Variants in IL16 observed in about 807,000 individuals in gnomAD.
IL16 encodes the protein interleukin 16, also known as pro-interleukin-16.
A neutral mutation model predicts 110.1 loss-of-function variants in IL16; 67 were observed. The ratio of observed to expected loss-of-function variants is 0.61; its 90% confidence interval spans 0.50 to 0.75. The LOEUF is 0.75. Ranked by LOEUF, IL16 falls within the 30% of genes least tolerant of loss-of-function variation. The pLI, the probability that IL16 is intolerant of heterozygous loss-of-function variation, is 0.00. For synonymous variants in IL16, 689 were observed against 662.9 expected (o/e 1.04, Z -0.61); for missense variants, 1,545 against 1,655.0 (o/e 0.93, Z 1.15).
chr15:81,303,612 T>C lies in IL16; in HGVS notation c.3382T>C (p.Leu1128=). ...KEEGAGLGFS[L]AGGADLENKV... ...GGAAGGTGCTGGTCTTGGGTTCAGC[T>C]TGGCAGGAGGAGCAGATCTAGAAAA... is the stretch of plus-strand genomic sequence containing the variant. Residue 1128 remains leucine (L), a synonymous_variant, in exon 16 of 19, where the codon TTG becomes CTG. Coordinates refer to ENST00000683961, the MANE Select transcript of IL16 (RefSeq NM_172217.5). The surrounding 1 kb of genome is among the most constrained non-coding windows in gnomAD (Gnocchi z 4.1). 6.2e-7 allele frequency: 1 copy of C among 1,614,066 alleles called. No homozygotes were observed. Among genetic ancestry groups the C allele is most frequent in the Non-Finnish European group, 8.5e-7 (1 of 1,179,884 alleles).
chr15:81,280,654 C>T (rs1461004968), intron 8 of IL16, among the ~76,000 whole-genome samples: 1 of 152,160 alleles, frequency 6.6e-6, no homozygotes, highest in African/African-American at 2.4e-5. Context: ...GATATATTGT[C>T]GAAGTGGAAG....
chr15:81,233,210 G>A (rs115161761), intron 2 of IL16, among the ~76,000 whole-genome samples: 235 of 152,162 alleles, frequency 1.5e-3, no homozygotes, highest in African/African-American at 5.6e-3. Context: ...ACATGAAGTT[G>A]TAAAGAATAA....
intron 2 of IL16, among the ~76,000 whole-genome samples, chr15:81,247,801 A>T (rs188358723): frequency 4.5e-4 from 69 of 152,212 alleles, no homozygotes; most frequent in Admixed American, 2.7e-3. Context: ...GCAGCAACTC[A>T]TCTGTTTTCT....
At chr15:81,232,941 A>G (rs572052540) in intron 2 of IL16, among the ~76,000 whole-genome samples, 7 of 152,222 alleles carry the variant, frequency 4.6e-5, no homozygotes, top group Non-Finnish European at 1.0e-4. Flanking sequence ...TTGGTGCTAT[A>G]CTTTTTTAAA....
At chr15:81,279,891 T>C in intron 8 of IL16, 117 bp downstream of exon 8, 1 of 836,306 alleles carries the variant, frequency 1.2e-6, no homozygotes. Context: ...TTTTAGCACA[T>C]TTTACAGCTA....
At chr15:81,200,151 ATTATC>A (rs1895758249) in intron 1 of IL16, among the ~76,000 whole-genome samples, 1 of 152,120 alleles carries the variant, frequency 6.6e-6, no homozygotes, top group Non-Finnish European at 1.5e-5. Flanking sequence ...CATATTTTAT[ATTATC>A]TTTTTCATAC....
At chr15:81,269,851 G>A (rs1449777695) in intron 5 of IL16, among the ~76,000 whole-genome samples, 2 of 152,208 alleles carry the variant, frequency 1.3e-5, no homozygotes, top group Non-Finnish European at 2.9e-5. Context: ...CAAAGTGATT[G>A]TTTTCTTGTA....
Position 81,232,166 on chromosome 15 carries a change from G to A in IL16, c.312+6455G>A, listed in dbSNP as rs145839649. 8.5e-3 allele frequency among the ~76,000 whole-genome samples: 1,249 copies of A among 147,376 alleles called. 3 individuals are homozygous for A. Among genetic ancestry groups the A allele is most frequent in the Middle Eastern group, 0.025 (7 of 280 alleles). On this transcript the variant is annotated intron_variant, in intron 2 of 18. Transcript: ENST00000683961. ...TTTATAGATCAATCTGAAGAAGACT[G>A]ACATCTTTACAGTACTTGATATTCC...
intron 1 of IL16, among the ~76,000 whole-genome samples, chr15:81,217,599 A>G (rs766167678): frequency 3.9e-5 from 6 of 152,206 alleles, no homozygotes; most frequent in East Asian, 1.9e-4. Flanking sequence ...GACCATTCCT[A>G]TTTGTGAATA....
intron 12 of IL16, among the ~76,000 whole-genome samples, chr15:81,294,137 T>C (rs546540774): frequency 6.6e-6 from 1 of 151,890 alleles, no homozygotes; most frequent in East Asian, 1.9e-4. Flanking sequence ...TCAGGAGGGG[T>C]AGCGGTGGAG....
chr15:81,201,168 T>G (rs572404012), intron 1 of IL16, among the ~76,000 whole-genome samples: 60 of 152,194 alleles, frequency 3.9e-4, no homozygotes, highest in Middle Eastern at 3.4e-3. Flanking sequence ...TGTGTGTGTG[T>G]GTGTATGTGT....
chr15:81,208,090 T>A (rs1392161495), intron 1 of IL16, among the ~76,000 whole-genome samples: 1 of 152,210 alleles, frequency 6.6e-6, no homozygotes, highest in Non-Finnish European at 1.5e-5. Flanking sequence ...TGAGATGATA[T>A]CTCATGATTT....
chr15:81,299,288 C>T, intron 13 of IL16, 92 bp from the exon 14 acceptor site: 1 of 1,596,842 alleles, frequency 6.3e-7, no homozygotes, highest in Non-Finnish European at 8.5e-7. Flanking sequence ...CCTCTTGAAT[C>T]CTTCTTGCTG....
intron 3 of IL16, among the ~76,000 whole-genome samples, chr15:81,262,787 C>T (rs969688383): frequency 2.0e-5 from 3 of 152,182 alleles, no homozygotes; most frequent in East Asian, 1.9e-4. Flanking sequence ...CAAAATTAGC[C>T]GGGAGTGGTG....
At chr15:81,223,208 T>C (rs199985809) in intron 1 of IL16, among the ~76,000 whole-genome samples, 8 of 151,852 alleles carry the variant, frequency 5.3e-5, no homozygotes, top group Non-Finnish European at 7.4e-5. Flanking sequence ...TCAGTGGCTG[T>C]AGGGAAAGGA....
intron 2 of IL16, among the ~76,000 whole-genome samples, chr15:81,236,681 C>T (rs565571034): frequency 4.6e-5 from 7 of 152,072 alleles, no homozygotes; most frequent in Non-Finnish European, 8.8e-5. Context: ...TAAGGCCGGG[C>T]GCGGTGGCTC....
chr15:81,276,073 G>A (rs989752439), intron 6 of IL16, among the ~76,000 whole-genome samples: 2 of 152,150 alleles, frequency 1.3e-5, no homozygotes, highest in Non-Finnish European at 1.5e-5. Context: ...CTGAATTTTT[G>A]TTGTCTATCC....
At chr15:81,279,250 TATCA>T (rs1206889156) in intron 7 of IL16, among the ~76,000 whole-genome samples, 2 of 152,168 alleles carry the variant, frequency 1.3e-5, no homozygotes, top group Admixed American at 6.5e-5. Context: ...ATCTATCTAT[TATCA>T]ATCAATCTAT....
At chr15:81,230,197 T>C (rs1896923459) in intron 2 of IL16, among the ~76,000 whole-genome samples, 1 of 152,202 alleles carries the variant, frequency 6.6e-6, no homozygotes, top group African/African-American at 2.4e-5. Flanking sequence ...TCAGGCTTCC[T>C]AAGTTAATAA....
Sources: gnomAD v4.1 joint callset for allele counts (sites outside exome capture counted in the v4.1 genomes callset) on GRCh38, gnomAD v4.1.1 for gene constraint, Gnocchi (gnomAD v3.1) non-coding constraint, MANE v1.5 for transcripts, NCBI Gene and HGNC (gene_info 2026-07-23, HGNC 2026-07-21) for gene names.